The following CAPN9 variants were observed in gnomAD, a reference collection of about 807,000 sequenced individuals.
CAPN9 encodes calpain 9, also known as calpain-9.
Under a neutral mutation model 92.8 loss-of-function variants are expected in CAPN9, and 81 were observed. The observed-to-expected ratio is 0.87, with a 90% CI of 0.73 to 1.05. The LOEUF (loss-of-function observed/expected upper bound fraction) is 1.05. Ranked by LOEUF, CAPN9 falls within the 50% of genes least tolerant of loss-of-function variation. The probability of loss-of-function intolerance (pLI) is 0.00; values close to 1 mark genes in which losing one functional copy is unlikely to be tolerated. For synonymous variants in CAPN9, 304 were observed against 328.0 expected, an observed-to-expected ratio of 0.93 and a Z score of 0.79; for missense variants, 848 against 866.2, an observed-to-expected ratio of 0.98 and a Z score of 0.26.
At chr1:230,780,078 G>C in intron 9 of CAPN9, 101 bp from the exon 10 acceptor site, 1 of 747,256 alleles carries the variant, frequency 1.3e-6, no homozygotes, top group Non-Finnish European at 2.1e-6. Context: ...ATAGGTGTAT[G>C]TGCGTGTGTG....
intron 19 of CAPN9, among the ~76,000 whole-genome samples, chr1:230,798,653 G>A (rs1336413056): frequency 6.6e-6 from 1 of 152,202 alleles, no homozygotes; most frequent in East Asian, 1.9e-4. Context: ...AAACTGGCCA[G>A]TTACCGGGGC....
intron 1 of CAPN9, 31 bp from the exon 2 acceptor site, chr1:230,755,306 C>A (rs55733925): frequency 1.1e-4 from 170 of 1,567,332 alleles, no homozygotes; most frequent in Non-Finnish European, 1.4e-4. Context: ...GCATGGCAGG[C>A]CTCAGCCTAA....
intron 11 of CAPN9, among the ~76,000 whole-genome samples, chr1:230,784,723 C>G (rs921758856): frequency 6.6e-6 from 1 of 152,268 alleles, no homozygotes; most frequent in African/African-American, 2.4e-5. Context: ...GCTGCAGGGA[C>G]AGAGCCCTCA....
At chr1:230,794,588 G>A (rs770497480) in intron 17 of CAPN9, among the ~76,000 whole-genome samples, 42 of 152,288 alleles carry the variant, frequency 2.8e-4, no homozygotes, top group Non-Finnish European at 5.7e-4. Flanking sequence ...CATATGCCAC[G>A]GCTGGAGCAG....
chr1:230,769,616 C>CCTAT lies in CAPN9; in HGVS notation c.789+417_789+420dup, dbSNP rs10557166. Among the ~76,000 whole-genome samples, 582 of 116,038 alleles carry CCTAT rather than the reference C, an allele frequency of 5.0e-3. 2 individuals carry two copies. The highest frequency in any genetic ancestry group is 0.011 in the South Asian group (34 of 3,008). The allele number at this position is 116,038 out of a possible 152,430, so 76.1% of individuals were successfully genotyped here. ...ATACATACAATTAAACACACACACA[C>CCTAT]CTATCTATCTATCTATCTATCTATC... is the stretch of plus-strand genomic sequence containing the variant. On this transcript the variant is annotated intron_variant, in intron 6 of 19. Transcript: ENST00000271971.
At chr1:230,795,016 G>A (rs1167086679) in intron 17 of CAPN9, 147 bp from the exon 18 acceptor site, 1 of 636,854 alleles carries the variant, frequency 1.6e-6, no homozygotes, top group African/African-American at 1.8e-5. Flanking sequence ...AGTCCCACTG[G>A]GTCTGGGGAC....
chr1:230,760,927 A>G (rs567117944), intron 3 of CAPN9, among the ~76,000 whole-genome samples: 6 of 152,226 alleles, frequency 3.9e-5, no homozygotes, highest in Non-Finnish European at 5.9e-5. Context: ...TTGGGCTCCC[A>G]AAAGGAACAG....
intron 8 of CAPN9, chr1:230,776,074 G>A (rs1401989984): frequency 6.6e-6 from 1 of 151,994 alleles, no homozygotes; most frequent in African/African-American, 2.4e-5. Context: ...AAATACCATA[G>A]ACTGAGTGGC....
chr1:230,781,576 C>G (rs1209289716), intron 11 of CAPN9, among the ~76,000 whole-genome samples: 2 of 152,166 alleles, frequency 1.3e-5, no homozygotes, highest in African/African-American at 2.4e-5. Context: ...CATTACTGCC[C>G]ATTCACCATT....
intron 7 of CAPN9, among the ~76,000 whole-genome samples, chr1:230,772,501 C>A (rs1440959172): frequency 6.6e-6 from 1 of 151,960 alleles, no homozygotes; most frequent in African/African-American, 2.4e-5. Context: ...TGTCGGAATC[C>A]CTGAAATATT....
intron 7 of CAPN9, 102 bp from the exon 8 acceptor site, chr1:230,774,452 G>A (rs1334022738): frequency 1.0e-5 from 8 of 797,786 alleles, no homozygotes; most frequent in Non-Finnish European, 1.8e-5. Context: ...TTACTAAGCA[G>A]GTCTTATTTC....
chr1:230,795,154 T>C lies in CAPN9; in HGVS notation c.1871-9T>C. Reference sequence around the variant, plus strand: ...AGCGAGTCCTGGGTCTCCTCCTTTGTCCCCACAGGCTTTCAGCTGAGCAGC... The same window carrying C: ...AGCGAGTCCTGGGTCTCCTCCTTTGCCCCCACAGGCTTTCAGCTGAGCAGC... On this transcript the variant is annotated splice_polypyrimidine_tract_variant and intron_variant, in intron 17 of 19. Coordinates refer to ENST00000271971, the MANE Select transcript of CAPN9 (RefSeq NM_006615.3). 6.3e-7 allele frequency: 1 copy of C among 1,584,692 alleles called. No individual in the cohort carries two copies. The highest frequency in any genetic ancestry group is 1.1e-5 in the South Asian group (1 of 90,434).
At chr1:230,790,891 C>A (rs1427905929) in intron 14 of CAPN9, among the ~76,000 whole-genome samples, 1 of 152,146 alleles carries the variant, frequency 6.6e-6, no homozygotes, top group Non-Finnish European at 1.5e-5. Context: ...GTGGAGTTTG[C>A]AGTGAACCAA....
chr1:230,755,730 C>A (rs1300226354), intron 2 of CAPN9, among the ~76,000 whole-genome samples: 1 of 152,198 alleles, frequency 6.6e-6, no homozygotes, highest in African/African-American at 2.4e-5. Context: ...CAGTCACCTG[C>A]GAGGTACTCT....
chr1:230,751,961 C>T (rs1664874498), intron 1 of CAPN9, among the ~76,000 whole-genome samples: 1 of 152,088 alleles, frequency 6.6e-6, no homozygotes, highest in Non-Finnish European at 1.5e-5. Context: ...AATTGAGACA[C>T]CTCTGATCGT....
At chr1:230,783,531 A>G (rs955254281) in intron 11 of CAPN9, among the ~76,000 whole-genome samples, 5 of 152,172 alleles carry the variant, frequency 3.3e-5, no homozygotes, top group Admixed American at 1.3e-4. Context: ...TGCTTTTGCC[A>G]TGTGACATGA....
intron 11 of CAPN9, among the ~76,000 whole-genome samples, chr1:230,783,477 G>A (rs1341509387): frequency 6.6e-6 from 1 of 152,150 alleles, no homozygotes; most frequent in Non-Finnish European, 1.5e-5. Flanking sequence ...GAATTCTTGT[G>A]AGATGTGGTT....
At chr1:230,754,305 T>C (rs919613225) in intron 1 of CAPN9, among the ~76,000 whole-genome samples, 1 of 151,654 alleles carries the variant, frequency 6.6e-6, no homozygotes, top group Non-Finnish European at 1.5e-5. Flanking sequence ...CACTTTTTTG[T>C]TCATGTTTTA....
chr1:230,799,302 T>G (rs1319657267), intron 19 of CAPN9, among the ~76,000 whole-genome samples: 1 of 152,244 alleles, frequency 6.6e-6, no homozygotes, highest in African/African-American at 2.4e-5. Context: ...TTAAGCAGGC[T>G]GCTCGGTGCC....
Sources: allele counts gnomAD v4.1 joint callset (sites outside exome capture counted in the v4.1 genomes callset), GRCh38; gene constraint gnomAD v4.1.1; transcripts MANE v1.5; gene names NCBI Gene and HGNC (gene_info 2026-07-23, HGNC 2026-07-21).